ZNF324B: variants seen among roughly 807,000 people sequenced by gnomAD.
ZNF324B encodes zinc finger protein 324B.
Under a neutral mutation model 10.6 loss-of-function variants are expected in ZNF324B, and 7 were observed. The observed-to-expected ratio is 0.66, with a 90% confidence interval of 0.38 to 1.24. The LOEUF is 1.24. Ranked by LOEUF, ZNF324B falls within the 50% of genes most tolerant of loss-of-function variation. The probability of loss-of-function intolerance (pLI) is 0.02; values close to 1 mark genes in which losing one functional copy is unlikely to be tolerated. For synonymous variants in ZNF324B, 316 were observed against 321.0 expected (o/e 0.98, Z 0.17); for missense variants, 640 against 764.7 (o/e 0.84, Z 1.92).
At chr19:58,446,596 G>A in the ZNF324B span, among the ~76,000 whole-genome samples, 7 of 25,556 alleles carry the variant, frequency 2.7e-4, no homozygotes, top group African/African-American at 1.3e-3. Flanking sequence ...TTTTTTTTTT[G>A]AGATGGAGTC....
the ZNF324B span, chr19:58,437,065 C>G: frequency 1.9e-6 from 3 of 1,614,176 alleles, no homozygotes; most frequent in South Asian, 3.3e-5. Context: ...GTCACAAGCT[C>G]AAGGTTTTCC....
chr19:58,437,004 CA>C, the ZNF324B span: 1 of 1,613,674 alleles, frequency 6.2e-7, no homozygotes. Flanking sequence ...GGAAAAGACA[CA>C]AGGCATAAGG....
chr19:58,428,695 T>A, the ZNF324B span: 9 of 152,354 alleles, frequency 5.9e-5, no homozygotes, highest in African/African-American at 2.2e-4. Context: ...TAGGTCTGCA[T>A]GTCCTGAGAA....
At chr19:58,427,374 CTT>C in the ZNF324B span, among the ~76,000 whole-genome samples, 1,603 of 40,544 alleles carry the variant, frequency 0.04, 17 homozygotes, top group South Asian at 0.051. Flanking sequence ...TTCTTTCTTT[CTT>C]TCTTTCTTTC....
chr19:58,424,823 A>G, the ZNF324B span, among the ~76,000 whole-genome samples: 1 of 152,174 alleles, frequency 6.6e-6, no homozygotes, highest in Admixed American at 6.6e-5. Flanking sequence ...AAAACAAAAC[A>G]AAACAATTAA....
chr19:58,421,659 G>A, the ZNF324B span, among the ~76,000 whole-genome samples: 2 of 152,128 alleles, frequency 1.3e-5, no homozygotes, highest in East Asian at 1.9e-4. Context: ...GATTACAGGC[G>A]TGAGCCACCG....
At chr19:58,449,689 C>A (rs12977592), upstream of ZNF324B, among the ~76,000 whole-genome samples, 1 of 152,040 alleles carries the variant, frequency 6.6e-6, no homozygotes, top group East Asian at 1.9e-4. Context: ...TTTCGTGGGG[C>A]CTTTAGCCCC....
At chr19:58,427,366 CTTTCTTT>C in the ZNF324B span, among the ~76,000 whole-genome samples, 29 of 41,928 alleles carry the variant, frequency 6.9e-4, no homozygotes, top group African/African-American at 1.9e-3. Flanking sequence ...TTCTTTCTTT[CTTTCTTT>C]CTTTCTTTCT....
At chr19:58,425,255 CA>C in the ZNF324B span, among the ~76,000 whole-genome samples, 1,284 of 136,324 alleles carry the variant, frequency 9.4e-3, 14 homozygotes, top group African/African-American at 0.027. Flanking sequence ...GACTCCATCT[CA>C]AAAAAAAAAA....
the ZNF324B span, among the ~76,000 whole-genome samples, chr19:58,438,961 G>A: frequency 7.3e-5 from 11 of 151,532 alleles, no homozygotes; most frequent in South Asian, 2.3e-3. Flanking sequence ...TTTAGTAGAG[G>A]TGGGGTTTCG....
chr19:58,450,437 C>T (rs2052847371), upstream of ZNF324B, among the ~76,000 whole-genome samples: 1 of 146,466 alleles, frequency 6.8e-6, no homozygotes, highest in East Asian at 2.0e-4. Context: ...TGCACTCCAT[C>T]CTGGGTAAGA....
the ZNF324B span, chr19:58,440,223 A>T: frequency 3.8e-6 from 1 of 265,344 alleles, no homozygotes; most frequent in Non-Finnish European, 7.3e-6. Context: ...TCATTGGCTC[A>T]AGGATCCCCG....
At chr19:58,449,430 T>A (rs2052840814), upstream of ZNF324B, among the ~76,000 whole-genome samples, 1 of 152,086 alleles carries the variant, frequency 6.6e-6, no homozygotes, top group Admixed American at 6.6e-5. Flanking sequence ...GGGGCCACCA[T>A]CCTCCAGACT....
the ZNF324B span, among the ~76,000 whole-genome samples, chr19:58,432,072 C>A: frequency 6.6e-6 from 1 of 152,140 alleles, no homozygotes; most frequent in South Asian, 2.1e-4. Flanking sequence ...GCTCTGTCAA[C>A]TGTGTTAAAT....
At position 58,455,297 on chromosome 19, in the gene ZNF324B, G is replaced by A. The variant is rs2052903809; in HGVS notation, c.353G>A (p.Ser118Asn). ...TTCCCAGTTGCCGATGCCTGCCACAGTGTAAAAAGCCTGCAGCGACAACCG... is the reference window on the plus strand; with the variant it reads ...TTCCCAGTTGCCGATGCCTGCCACAATGTAAAAAGCCTGCAGCGACAACCG... ...SVFPVADACH[S>N]VKSLQRQPGA... is the part of the protein sequence containing the mutation. The change falls in exon 4 of 4, where the codon AGT (serine) becomes AAT (asparagine). Residue 118 changes from serine to asparagine, a missense_variant. This residue lies in a region of ZNF324B where 345 missense variants were observed against 387.9 expected (regional missense o/e 0.89). Coordinates refer to ENST00000336614, the MANE Select transcript of ZNF324B (RefSeq NM_207395.3). This position sits in a 1 kb window ranked among gnomAD's most constrained non-coding sequence, Gnocchi z 7.0. 2 of 1,614,228 alleles carry A rather than the reference G, an allele frequency of 1.2e-6. No individual in the cohort carries two copies. The highest frequency in any genetic ancestry group is 1.7e-5 in the Admixed American group (1 of 60,032).
chr19:58,436,335 A>G, the ZNF324B span: 71 of 154,376 alleles, frequency 4.6e-4, no homozygotes, highest in African/African-American at 1.7e-3. Context: ...TAAAAGGTGA[A>G]TTGTATGGTT....
At position 58,455,001 on chromosome 19, in the gene ZNF324B, C is replaced by T. The variant is rs554947621; in HGVS notation, c.239-182C>T. ...TGGGAGTCCCCACTGCAGTCAGTGCCACACCTGTCAGGGCAGATGCTTCCT... is the reference window on the plus strand; with the variant it reads ...TGGGAGTCCCCACTGCAGTCAGTGCTACACCTGTCAGGGCAGATGCTTCCT... On this transcript the variant is annotated intron_variant, in intron 3 of 3. Transcript: ENST00000336614. The surrounding 1 kb of genome is among the most constrained non-coding windows in gnomAD (Gnocchi z 7.0). 3.5e-4 allele frequency: 292 copies of T among 833,502 alleles called. 9 individuals are homozygous for T. The South Asian group carries it at 4.1e-3, about 12-fold the overall frequency. 51.6% of individuals were successfully genotyped at this position (833,502 alleles called of 1,614,324 possible).
the ZNF324B span, chr19:58,445,633 T>C: frequency 7.8e-6 from 3 of 385,502 alleles, no homozygotes; most frequent in South Asian, 2.0e-5. Context: ...CTGGCTAACA[T>C]GGCAAACCCC....
the ZNF324B span, among the ~76,000 whole-genome samples, chr19:58,436,667 CAAAA>C: frequency 1.1e-4 from 7 of 65,542 alleles, no homozygotes; most frequent in Non-Finnish European, 1.7e-4. Context: ...GACTCCATCT[CAAAA>C]AAAAAAAAAA....
Sources: gnomAD v4.1 joint callset for allele counts (sites outside exome capture counted in the v4.1 genomes callset) on GRCh38, gnomAD v4.1.1 for gene constraint, gnomAD v4.1.1 regional missense constraint, Gnocchi (gnomAD v3.1) non-coding constraint, MANE v1.5 for transcripts, NCBI Gene and HGNC (gene_info 2026-07-23, HGNC 2026-07-21) for gene names.